The following DIAPH3 variants were observed in gnomAD, a reference collection of about 807,000 sequenced individuals.
DIAPH3 encodes the protein diaphanous related formin 3.
A neutral mutation model predicts 144.3 loss-of-function variants in DIAPH3; 117 were observed. The observed-to-expected ratio is 0.81, with a 90% CI of 0.70 to 0.95. DIAPH3 has a LOEUF of 0.95. Ranked by LOEUF, DIAPH3 falls within the 40% of genes least tolerant of loss-of-function variation. The probability of loss-of-function intolerance (pLI) is 0.00; values close to 1 mark genes in which losing one functional copy is unlikely to be tolerated. For synonymous variants in DIAPH3, 519 were observed against 488.9 expected (o/e 1.06, Z -0.81); for missense variants, 1,421 against 1,412.7 (o/e 1.01, Z -0.09).
At chr13:60,088,071 G>T (rs191120172) in intron 4 of DIAPH3, among the ~76,000 whole-genome samples, 3 of 152,106 alleles carry the variant, frequency 2.0e-5, no homozygotes, top group Non-Finnish European at 2.9e-5. Context: ...AAAAGTAAGG[G>T]GTGGGGCACG....
intron 20 of DIAPH3, among the ~76,000 whole-genome samples, chr13:59,910,488 G>A (rs1423843457): frequency 6.6e-6 from 1 of 152,098 alleles, no homozygotes; most frequent in Non-Finnish European, 1.5e-5. Context: ...AGAACTTTGG[G>A]AGGCGGAGGC....
chr13:59,799,233 A>G (rs1018683514), intron 25 of DIAPH3, among the ~76,000 whole-genome samples: 3 of 152,092 alleles, frequency 2.0e-5, no homozygotes, highest in Non-Finnish European at 4.4e-5. Flanking sequence ...GTAGATGCCA[A>G]CTGAACCAGA....
Position 59,971,171 on chromosome 13 carries a change from AAAC to A in DIAPH3, c.1651-14_1651-12del. 6.4e-7 allele frequency: 1 copy of A among 1,559,108 alleles called. No homozygotes were observed. Among genetic ancestry groups the A allele is most frequent in the Non-Finnish European group, 8.7e-7 (1 of 1,150,778 alleles). ...TGGCAAGGCACCAAACTGGAGAAAA[AAAC>A]AATAAGAGACATAACTAAGAACATA... On this transcript the variant is annotated splice_polypyrimidine_tract_variant and intron_variant, in intron 15 of 27. Transcript: ENST00000400324.
At chr13:60,118,263 G>C (rs759483676) in intron 2 of DIAPH3, among the ~76,000 whole-genome samples, 15 of 152,068 alleles carry the variant, frequency 9.9e-5, no homozygotes, top group Non-Finnish European at 1.9e-4. Flanking sequence ...TTTAGCTATA[G>C]TATATCACTG....
intron 20 of DIAPH3, among the ~76,000 whole-genome samples, chr13:59,905,071 G>A (rs1156597121): frequency 6.6e-6 from 1 of 151,964 alleles, no homozygotes; most frequent in Non-Finnish European, 1.5e-5. Flanking sequence ...GGCCAGGCAC[G>A]GTGGCTCATG....
intron 4 of DIAPH3, among the ~76,000 whole-genome samples, chr13:60,090,172 T>A (rs756124991): frequency 1.3e-5 from 2 of 152,080 alleles, no homozygotes; most frequent in Non-Finnish European, 2.9e-5. Context: ...CCCACCAGAG[T>A]GTACCGGACA....
In DIAPH3 at chr13:59,870,232, T is replaced by C. The variant is rs771583444; in HGVS notation, c.2608-8696A>G. Among the ~76,000 whole-genome samples, 5 of 152,248 alleles carry C rather than the reference T, an allele frequency of 3.3e-5. No individual in the cohort carries two copies. In the South Asian group the frequency reaches 1.0e-3, roughly 32 times the overall value. ...TAAAAGAAAGACTATTCTTTCACTA[T>C]TGAATTACCTTTGTTCCTTTGTCAA... On this transcript the variant is annotated intron_variant, in intron 21 of 27. Transcript: ENST00000400324.
intron 2 of DIAPH3, among the ~76,000 whole-genome samples, chr13:60,130,724 G>A (rs1166793635): frequency 2.6e-5 from 4 of 152,164 alleles, no homozygotes; most frequent in Non-Finnish European, 5.9e-5. Context: ...CATCGTCCCT[G>A]CCTTCAAAAG....
chr13:59,815,780 C>T (rs1379176319), intron 24 of DIAPH3, among the ~76,000 whole-genome samples: 4 of 151,960 alleles, frequency 2.6e-5, no homozygotes, highest in Admixed American at 6.6e-5. Flanking sequence ...TTTATATATG[C>T]TACTGATAAT....
intron 1 of DIAPH3, among the ~76,000 whole-genome samples, chr13:60,148,908 G>C (rs1471429263): frequency 3.3e-5 from 5 of 152,194 alleles, no homozygotes; most frequent in African/African-American, 9.7e-5. Context: ...ATACCAGACT[G>C]AATATAAACC....
chr13:59,757,752 G>GTTT (rs2037364103), intron 27 of DIAPH3, among the ~76,000 whole-genome samples: 1 of 152,092 alleles, frequency 6.6e-6, no homozygotes, highest in Non-Finnish European at 1.5e-5. Flanking sequence ...CTGAAACACT[G>GTTT]TTAAAAGAGT....
intron 15 of DIAPH3, among the ~76,000 whole-genome samples, chr13:59,972,677 G>A (rs1036754065): frequency 6.6e-6 from 1 of 152,138 alleles, no homozygotes; most frequent in African/African-American, 2.4e-5. Context: ...ACTTCCTTTT[G>A]AACGTATTTA....
At chr13:60,115,924 C>G (rs753593546) in intron 2 of DIAPH3, among the ~76,000 whole-genome samples, 32 of 151,934 alleles carry the variant, frequency 2.1e-4, no homozygotes, top group Admixed American at 3.9e-4. Context: ...TACTGTTATC[C>G]TGGGATTCTA....
chr13:59,971,899 A>C (rs1268545438), intron 15 of DIAPH3, among the ~76,000 whole-genome samples: 1 of 152,156 alleles, frequency 6.6e-6, no homozygotes, highest in Non-Finnish European at 1.5e-5. Context: ...CTTCAGTCTG[A>C]GCTAACAGGT....
At chr13:59,711,100 A>G (rs2034711109) in intron 27 of DIAPH3, among the ~76,000 whole-genome samples, 1 of 152,236 alleles carries the variant, frequency 6.6e-6, no homozygotes, top group Admixed American at 6.5e-5. Context: ...AAATAGTTAG[A>G]TAATTGTTGT....
intron 2 of DIAPH3, among the ~76,000 whole-genome samples, chr13:60,120,780 A>G (rs2058825650): frequency 6.6e-6 from 1 of 152,178 alleles, no homozygotes; most frequent in African/African-American, 2.4e-5. Flanking sequence ...CACTTTGGAA[A>G]TAGATACTCC....
intron 4 of DIAPH3, among the ~76,000 whole-genome samples, chr13:60,049,667 A>T (rs1007473102): frequency 6.6e-6 from 1 of 152,190 alleles, no homozygotes; most frequent in Non-Finnish European, 1.5e-5. Context: ...TTTCATTACT[A>T]CTTATTATTT....
At chr13:60,034,348 A>C (rs2055037660) in intron 5 of DIAPH3, 1 of 152,172 alleles carries the variant, frequency 6.6e-6, no homozygotes, top group African/African-American at 2.4e-5. Flanking sequence ...AAGTTTAATG[A>C]GTTTTTTTTT....
At chr13:59,776,432 C>T (rs1278353038) in intron 25 of DIAPH3, among the ~76,000 whole-genome samples, 1 of 151,914 alleles carries the variant, frequency 6.6e-6, no homozygotes, top group Non-Finnish European at 1.5e-5. Flanking sequence ...AATTTATTTT[C>T]AAATTCAACT....
Sources: gnomAD v4.1 joint callset for allele counts (sites outside exome capture counted in the v4.1 genomes callset) on GRCh38, gnomAD v4.1.1 for gene constraint, MANE v1.5 for transcripts, NCBI Gene and HGNC (gene_info 2026-07-23, HGNC 2026-07-21) for gene names.